DOCK10: variants seen among roughly 807,000 people sequenced by gnomAD.
DOCK10 encodes the protein dedicator of cytokinesis protein 10.
Under a neutral mutation model 280.1 loss-of-function variants are expected in DOCK10, and 145 were observed. The observed-to-expected ratio is 0.52, with a 90% CI of 0.45 to 0.59. The LOEUF (loss-of-function observed/expected upper bound fraction) is 0.59, where lower values mean the gene tolerates loss of function less well. DOCK10 is among the 20% of genes least tolerant of loss of function. The pLI, the probability that DOCK10 is intolerant of heterozygous loss-of-function variation, is 0.00. For synonymous variants in DOCK10, 915 were observed against 942.2 expected (o/e 0.97, Z 0.53); for missense variants, 2,368 against 2,651.7 (o/e 0.89, Z 2.35).
intron 8 of DOCK10, 76 bp downstream of exon 8, chr2:224,875,962 T>C: frequency 6.9e-7 from 1 of 1,444,180 alleles, no homozygotes; most frequent in East Asian, 2.3e-5. Flanking sequence ...GCAACTACAA[T>C]GCCTAGCAGC....
chr2:224,956,991 C>T (rs988805796), intron 1 of DOCK10, among the ~76,000 whole-genome samples: 5 of 152,214 alleles, frequency 3.3e-5, no homozygotes, highest in Non-Finnish European at 7.3e-5. Context: ...TCATGCTTGT[C>T]ATGTCCCTCA....
chr2:224,831,166 C>A (rs1217322721), intron 26 of DOCK10, among the ~76,000 whole-genome samples: 1 of 152,060 alleles, frequency 6.6e-6, no homozygotes, highest in Admixed American at 6.6e-5. Context: ...AACTCCTGGG[C>A]TTAGGTGATC....
At chr2:224,979,635 C>CAT (rs1422456253) in intron 1 of DOCK10, among the ~76,000 whole-genome samples, 1 of 152,286 alleles carries the variant, frequency 6.6e-6, no homozygotes, top group Non-Finnish European at 1.5e-5. Flanking sequence ...GGTCCTTCTG[C>CAT]ATAAGGCATT....
chr2:225,033,380 G>A (rs1000860188), intron 1 of DOCK10, among the ~76,000 whole-genome samples: 1 of 151,856 alleles, frequency 6.6e-6, no homozygotes, highest in African/African-American at 2.4e-5. Flanking sequence ...ATGGGGTTTC[G>A]CCATATTGGT....
chr2:224,977,079 G>A lies in DOCK10; in HGVS notation c.124-45411C>T, dbSNP rs76897471. Among the ~76,000 whole-genome samples the A allele has an allele frequency of 4.2e-3, 641 of 152,276 alleles. 3 individuals are homozygous for A. Among genetic ancestry groups the A allele is most frequent in the African/African-American group, 0.013 (543 of 41,556 alleles). On this transcript the variant is annotated intron_variant, in intron 1 of 55. Coordinates refer to ENST00000258390, the MANE Select transcript of DOCK10 (RefSeq NM_014689.3). ...GTGCACACATCCTTGACTCACAGAA[G>A]AGATTTCACCTTCCCAACTCACCGC...
chr2:224,952,715 C>T (rs1462252247), intron 1 of DOCK10, among the ~76,000 whole-genome samples: 1 of 150,558 alleles, frequency 6.6e-6, no homozygotes, highest in Non-Finnish European at 1.5e-5. Context: ...GCCTCAGCCT[C>T]CCAAGTAGCT....
chr2:224,842,445 C>G (rs1393037332), intron 22 of DOCK10, among the ~76,000 whole-genome samples: 2 of 152,054 alleles, frequency 1.3e-5, no homozygotes, highest in East Asian at 1.9e-4. Context: ...AAGTTCTGCC[C>G]TGAGGGTGGG....
At chr2:225,040,336 T>C (rs2106150633) in intron 1 of DOCK10, among the ~76,000 whole-genome samples, 1 of 152,292 alleles carries the variant, frequency 6.6e-6, no homozygotes, top group African/African-American at 2.4e-5. Flanking sequence ...ATGAAATGTC[T>C]TGGCAAAAGC....
intron 1 of DOCK10, among the ~76,000 whole-genome samples, chr2:224,989,692 A>G (rs931674893): frequency 1.3e-5 from 2 of 152,160 alleles, no homozygotes; most frequent in African/African-American, 4.8e-5. Context: ...ACTCAATTAA[A>G]TGGCTAGGAG....
intron 27 of DOCK10, among the ~76,000 whole-genome samples, chr2:224,826,860 T>C (rs1216624037): frequency 6.6e-6 from 1 of 151,904 alleles, no homozygotes; most frequent in Non-Finnish European, 1.5e-5. Context: ...CTACTAGGGA[T>C]GCTGAGGTGA....
At chr2:224,933,748 C>A (rs1373791923) in intron 1 of DOCK10, among the ~76,000 whole-genome samples, 1 of 152,170 alleles carries the variant, frequency 6.6e-6, no homozygotes, top group Non-Finnish European at 1.5e-5. Flanking sequence ...CTTCTCCCTC[C>A]TCACACCAAA....
At chr2:224,896,851 A>C (rs960939260) in intron 3 of DOCK10, among the ~76,000 whole-genome samples, 1 of 152,226 alleles carries the variant, frequency 6.6e-6, no homozygotes, top group Non-Finnish European at 1.5e-5. Context: ...TGCTCTTTCC[A>C]ATCATTTTCA....
At chr2:224,826,076 T>C (rs1056681621) in intron 27 of DOCK10, among the ~76,000 whole-genome samples, 1 of 152,204 alleles carries the variant, frequency 6.6e-6, no homozygotes, top group Non-Finnish European at 1.5e-5. Context: ...GTTTGTGTTT[T>C]GTTTTGTTTG....
At chr2:224,925,281 A>G (rs1452674882) in intron 2 of DOCK10, among the ~76,000 whole-genome samples, 1 of 152,174 alleles carries the variant, frequency 6.6e-6, no homozygotes, top group Non-Finnish European at 1.5e-5. Flanking sequence ...CTTGTGGTTG[A>G]GTCTAGAAGT....
intron 55 of DOCK10, chr2:224,768,866 A>T (rs1303086700): frequency 4.4e-6 from 2 of 456,502 alleles, no homozygotes; most frequent in Admixed American, 4.7e-5. Flanking sequence ...AGAAAGAAAA[A>T]CATACCACTT....
chr2:224,778,035 G>T, intron 51 of DOCK10, 103 bp downstream of exon 51: 1 of 1,243,052 alleles, frequency 8.0e-7, no homozygotes, highest in Non-Finnish European at 1.1e-6. Flanking sequence ...CGTTTTTGTA[G>T]TTTACTTTGC....
At chr2:224,851,291 C>T (rs544685884) in intron 18 of DOCK10, among the ~76,000 whole-genome samples, 1 of 152,152 alleles carries the variant, frequency 6.6e-6, no homozygotes, top group South Asian at 2.1e-4. Flanking sequence ...TAGAATTTTC[C>T]TCACAAAAAC....
chr2:224,775,294 C>T (rs1018469588), intron 51 of DOCK10, among the ~76,000 whole-genome samples, 179 bp from the exon 52 acceptor site: 1 of 152,152 alleles, frequency 6.6e-6, no homozygotes, highest in Non-Finnish European at 1.5e-5. Flanking sequence ...GGCTGGACTG[C>T]AGCTGAGCAG....
intron 1 of DOCK10, among the ~76,000 whole-genome samples, chr2:225,030,497 G>T (rs1486563472): frequency 6.6e-6 from 1 of 152,028 alleles, no homozygotes; most frequent in Non-Finnish European, 1.5e-5. Flanking sequence ...GCTCGGGGTG[G>T]CCTCCACCTT....
Sources: gnomAD v4.1 joint callset for allele counts (sites outside exome capture counted in the v4.1 genomes callset) on GRCh38, gnomAD v4.1.1 for gene constraint, MANE v1.5 for transcripts, NCBI Gene and HGNC (gene_info 2026-07-23, HGNC 2026-07-21) for gene names.